The following BEST3 variants were observed in gnomAD, a reference collection of about 807,000 sequenced individuals.
The protein encoded by BEST3 is bestrophin-3.
Under a neutral mutation model 47.1 loss-of-function variants are expected in BEST3, and 50 were observed. The observed-to-expected ratio is 1.06, with a 90% CI of 0.85 to 1.34. The LOEUF (loss-of-function observed/expected upper bound fraction) is 1.34, where lower values mean the gene tolerates loss of function less well. BEST3 is among the 40% of genes most tolerant of loss of function. The pLI is 0.00. For missense variants in BEST3, 765 were observed against 817.0 expected (o/e 0.94, Z 0.78); for synonymous variants, 282 against 298.8 (o/e 0.94, Z 0.58).
At chr12:69,690,019 C>A (rs1367561393) in intron 4 of BEST3, among the ~76,000 whole-genome samples, 1 of 152,176 alleles carries the variant, frequency 6.6e-6, no homozygotes, top group Admixed American at 6.5e-5. Flanking sequence ...ACTAAAAAAA[C>A]CAACACAGGA....
At chr12:69,673,877 G>T (rs960372344) in intron 7 of BEST3, among the ~76,000 whole-genome samples, 1 of 152,142 alleles carries the variant, frequency 6.6e-6, no homozygotes, top group Non-Finnish European at 1.5e-5. Context: ...TAGTTTTCCT[G>T]CCGGGAAAAT....
At position 69,653,797 on chromosome 12, in the gene BEST3, C is replaced by G. The variant is rs1447143982; in HGVS notation, c.*1110G>C. On this transcript the variant is annotated 3_prime_UTR_variant, in exon 10 of 10. Coordinates refer to ENST00000330891, the MANE Select transcript of BEST3 (RefSeq NM_032735.3). ...ATTATGCAGCTCTGGACCCCATTAG[C>G]CTCCCAGCTCCAGTATCCTGCCCAT... 3.0e-6 allele frequency: 3 copies of G among 985,272 alleles called. No individual in the cohort carries two copies. The highest frequency in any genetic ancestry group is 3.6e-6 in the Non-Finnish European group (3 of 829,940). 61.0% of individuals were successfully genotyped at this position (985,272 alleles called of 1,614,324 possible).
chr12:69,651,204 C>A (rs1300035073), downstream of BEST3, among the ~76,000 whole-genome samples: 1 of 152,180 alleles, frequency 6.6e-6, no homozygotes, highest in African/African-American at 2.4e-5. Context: ...ATAGTGAATC[C>A]ATGGGAACAT....
At chr12:69,681,851 C>A (rs891470983) in intron 4 of BEST3, among the ~76,000 whole-genome samples, 1 of 152,134 alleles carries the variant, frequency 6.6e-6, no homozygotes, top group African/African-American at 2.4e-5. Flanking sequence ...GAGGCCGAGG[C>A]GGGTGGATCA....
At position 69,654,836 on chromosome 12, in the gene BEST3, C is replaced by T. The variant is rs891143277; in HGVS notation, c.*71G>A. ...AAGTCGACCAGCCTTCAGGTATGTC[C>T]TGGGCCTAATATGCTGCTTTTGGGG... On this transcript the variant is annotated 3_prime_UTR_variant, in exon 10 of 10. Coordinates refer to ENST00000330891, the MANE Select transcript of BEST3 (RefSeq NM_032735.3). The T allele has an allele frequency of 6.2e-5, 95 of 1,539,374 alleles. No individual in the cohort carries two copies. The highest frequency in any genetic ancestry group is 3.5e-4 in the Admixed American group (17 of 49,082).
intron 9 of BEST3, among the ~76,000 whole-genome samples, chr12:69,657,905 A>C (rs1883610724): frequency 6.6e-6 from 1 of 152,094 alleles, no homozygotes; most frequent in African/African-American, 2.4e-5. Context: ...CCCACCCTCC[A>C]CTGTGTGAGG....
chr12:69,682,112 A>G (rs933100364), intron 4 of BEST3, among the ~76,000 whole-genome samples: 4 of 150,846 alleles, frequency 2.7e-5, no homozygotes, highest in South Asian at 2.1e-4. Context: ...GAAAATACCA[A>G]TGGCTGGGTC....
chr12:69,698,972 T>C (rs1042923692), intron 1 of BEST3, among the ~76,000 whole-genome samples: 1 of 152,238 alleles, frequency 6.6e-6, no homozygotes, highest in Non-Finnish European at 1.5e-5. Flanking sequence ...ATCTTTACCT[T>C]GTCTATTTGC....
At chr12:69,679,591 T>C (rs1209925341) in intron 4 of BEST3, among the ~76,000 whole-genome samples, 1 of 152,274 alleles carries the variant, frequency 6.6e-6, no homozygotes, top group African/African-American at 2.4e-5. Flanking sequence ...CAGGGTGCAG[T>C]GGCTCACGCC....
rs1012729975 is a variant in BEST3 at position 69,654,721 on chromosome 12, C to T, written c.*186G>A. Reference sequence around the variant, plus strand: ...CATGTTGTGTTGGATGACGTGAATGCGTTTGATTTTTCGCAGCTCTCAAAA... The same window carrying T: ...CATGTTGTGTTGGATGACGTGAATGTGTTTGATTTTTCGCAGCTCTCAAAA... On this transcript the variant is annotated 3_prime_UTR_variant, in exon 10 of 10. Transcript: ENST00000330891. 2.2e-5 allele frequency: 29 copies of T among 1,343,954 alleles called. No homozygotes were observed. The highest frequency in any genetic ancestry group is 7.8e-5 in the East Asian group (3 of 38,490). 83.3% of individuals were successfully genotyped at this position (1,343,954 alleles called of 1,614,324 possible).
chr12:69,673,214 C>T (rs1884693519), intron 7 of BEST3, among the ~76,000 whole-genome samples: 1 of 152,120 alleles, frequency 6.6e-6, no homozygotes, highest in African/African-American at 2.4e-5. Context: ...CAATGCAGGC[C>T]CTATCAGGGG....
At chr12:69,664,113 A>G (rs1884036073) in intron 9 of BEST3, among the ~76,000 whole-genome samples, 1 of 152,180 alleles carries the variant, frequency 6.6e-6, no homozygotes, top group South Asian at 2.1e-4. Context: ...CAGATTTTTA[A>G]CTGGCCTTTT....
chr12:69,691,877 C>T (rs1016366792), intron 4 of BEST3, among the ~76,000 whole-genome samples: 1 of 152,204 alleles, frequency 6.6e-6, no homozygotes, highest in Admixed American at 6.5e-5. Context: ...TGATCTGCTG[C>T]AACTTGAAGA....
chr12:69,694,147 G>A lies in BEST3; in HGVS notation c.247+223C>T, dbSNP rs1481288294. The A allele has an allele frequency of 3.9e-5, 22 of 568,914 alleles. No homozygotes were observed. The Admixed American group carries it at 7.1e-4, about 18-fold the overall frequency. 35.2% of individuals were successfully genotyped at this position (568,914 alleles called of 1,614,324 possible). Reference sequence around the variant, plus strand: ...TGCAAAAATGGAGAGTTAGTGAAGAGAAAGCTTAAATGTCCAATAGCAGAT... The same window carrying A: ...TGCAAAAATGGAGAGTTAGTGAAGAAAAAGCTTAAATGTCCAATAGCAGAT... On this transcript the variant is annotated intron_variant, in intron 3 of 9. Transcript: ENST00000330891.
At chr12:69,670,491 G>A (rs1185899422) in intron 9 of BEST3, 3 of 702,924 alleles carry the variant, frequency 4.3e-6, no homozygotes, top group East Asian at 2.7e-5. Context: ...CAGCCTCAGA[G>A]GCCCCTTTGG....
intron 4 of BEST3, among the ~76,000 whole-genome samples, chr12:69,684,981 G>GTTCTA (rs59611126): frequency 0.25 from 36,096 of 142,034 alleles, 4,791 homozygotes; most frequent in Middle Eastern, 0.31. Context: ...GCTTTCTGCT[G>GTTCTA]TTCTATTCTA....
rs755265439 is a variant in BEST3 at position 69,655,050 on chromosome 12, C to T, written c.1864G>A (p.Glu622Lys). The T allele has an allele frequency of 2.2e-5, 36 of 1,614,036 alleles. No homozygotes were observed. Among genetic ancestry groups the T allele is most frequent in the Non-Finnish European group, 3.0e-5 (35 of 1,180,034 alleles). The change falls in exon 10 of 10, where the codon GAA (glutamate) becomes AAA (lysine). Residue 622 changes from glutamate (E) to lysine (K), a missense_variant. Physicochemically the swap from Glu to Lys is moderately conservative, Grantham distance 56. Transcript: ENST00000330891. ...ATCCCACTGATCTCTGAGGATGTTT[C>T]TGTGTCAATTAAAAGAGCTGGCTGA... Reference protein sequence around the residue: ...SSQPALLIDTETSSEISGINI... With the variant: ...SSQPALLIDTKTSSEISGINI...
At chr12:69,693,603 T>A (rs1378334504) in intron 4 of BEST3, 71 bp downstream of exon 4, 17 of 1,271,160 alleles carry the variant, frequency 1.3e-5, no homozygotes, top group Non-Finnish European at 1.7e-5. Flanking sequence ...ACATAAAGAA[T>A]TTTCAAAGGA....
chr12:69,671,365 G>T, intron 9 of BEST3, 63 bp downstream of exon 9: 7 of 1,349,514 alleles, frequency 5.2e-6, no homozygotes, highest in African/African-American at 1.5e-5. Flanking sequence ...TTTTTATAGA[G>T]ACAAGGTCTC....
Sources: allele counts gnomAD v4.1 joint callset (sites outside exome capture counted in the v4.1 genomes callset), GRCh38; gene constraint gnomAD v4.1.1; transcripts MANE v1.5; gene names NCBI Gene and HGNC (gene_info 2026-07-23, HGNC 2026-07-21).